Variants in XXYLT1 observed in about 807,000 individuals in gnomAD.
XXYLT1 encodes UDP-xylose:alpha-xyloside alpha-1,3-xylosyltransferase.
Under a neutral mutation model 28.9 loss-of-function variants are expected in XXYLT1, and 20 were observed. The ratio of observed to expected loss-of-function variants is 0.69; its 90% CI spans 0.49 to 1.00. The LOEUF is 1.00. Ranked by LOEUF, XXYLT1 falls within the 50% of genes least tolerant of loss-of-function variation. The pLI is 0.00. For synonymous variants in XXYLT1, 257 were observed against 253.8 expected (o/e 1.01, Z -0.12); for missense variants, 542 against 560.1 (o/e 0.97, Z 0.33).
At position 195,156,486 on chromosome 3, in the gene XXYLT1, T is replaced by C. The variant is rs1270401405; in HGVS notation, c.748A>G (p.Ile250Val). The C allele has an allele frequency of 6.2e-7, 1 of 1,614,106 alleles. No individual in the cohort carries two copies. Among genetic ancestry groups the C allele is most frequent in the Non-Finnish European group, 8.5e-7 (1 of 1,180,048 alleles). Residue 250 changes from isoleucine to valine, a missense_variant, in exon 3 of 4, where the codon ATC becomes GTC. Coordinates refer to ENST00000310380, the MANE Select transcript of XXYLT1 (RefSeq NM_152531.5). Reference protein sequence around the residue: ...EEFDSFLPGAIIGIAREMQPV... With the variant: ...EEFDSFLPGAVIGIAREMQPV... ...TGCATCTCCCGGGCTATGCCGATGA[T>C]GGCGCCTGGCAGGAAACTGTCAAAT...
intron 3 of XXYLT1, among the ~76,000 whole-genome samples, chr3:195,137,622 C>T (rs1024729576): frequency 1.4e-4 from 22 of 152,208 alleles, no homozygotes; most frequent in Admixed American, 1.2e-3. Flanking sequence ...GGTGCTGCTG[C>T]GCACTCTACA....
intron 3 of XXYLT1, among the ~76,000 whole-genome samples, chr3:195,104,213 G>A (rs1278160471): frequency 3.2e-4 from 12 of 37,582 alleles, no homozygotes; most frequent in Admixed American, 1.0e-3. Context: ...GTGTGTGTGT[G>A]TGTGTGTGTG....
Position 195,220,496 on chromosome 3 carries a change from A to G in XXYLT1, c.652+6213T>C, listed in dbSNP as rs187462785. Among the ~76,000 whole-genome samples, 4 of 152,202 alleles carry G rather than the reference A, an allele frequency of 2.6e-5. No individual in the cohort carries two copies. In the East Asian group the frequency reaches 7.7e-4, roughly 29 times the overall value. On this transcript the variant is annotated intron_variant, in intron 2 of 3. Transcript: ENST00000310380. ...TAGGGCCTCTTTTAAATAACCTCCCAAGATCACGAAGCCTTGACCTTGGGA... is the reference window on the plus strand; with the variant it reads ...TAGGGCCTCTTTTAAATAACCTCCCGAGATCACGAAGCCTTGACCTTGGGA...
intron 1 of XXYLT1, among the ~76,000 whole-genome samples, chr3:195,246,008 T>C (rs979562350): frequency 3.3e-5 from 5 of 152,224 alleles, no homozygotes; most frequent in Non-Finnish European, 4.4e-5. Flanking sequence ...CGGATATCTC[T>C]TTATAGCAAC....
At chr3:195,131,127 C>T (rs1189158610) in intron 3 of XXYLT1, among the ~76,000 whole-genome samples, 6 of 152,202 alleles carry the variant, frequency 3.9e-5, no homozygotes, top group Admixed American at 6.5e-5. Flanking sequence ...CTCCATTGGC[C>T]GGTTCCTTCC....
chr3:195,094,117 T>C (rs905629374), intron 3 of XXYLT1: 1 of 152,664 alleles, frequency 6.6e-6, no homozygotes, highest in African/African-American at 2.4e-5. Flanking sequence ...TTCACAGCAC[T>C]GGCCTCTCCT....
At chr3:195,148,790 T>C (rs1251970436) in intron 3 of XXYLT1, among the ~76,000 whole-genome samples, 3 of 152,120 alleles carry the variant, frequency 2.0e-5, no homozygotes, top group Non-Finnish European at 2.9e-5. Flanking sequence ...GAAGACAGAG[T>C]GACACTATGA....
chr3:195,089,535 A>G (rs1041927352), intron 3 of XXYLT1, among the ~76,000 whole-genome samples: 1 of 152,132 alleles, frequency 6.6e-6, no homozygotes, highest in African/African-American at 2.4e-5. Context: ...AGCGCTAAAC[A>G]TGGAAGGGAA....
intron 2 of XXYLT1, among the ~76,000 whole-genome samples, chr3:195,215,891 A>G (rs1230182368): frequency 6.6e-6 from 1 of 152,200 alleles, no homozygotes; most frequent in Non-Finnish European, 1.5e-5. Context: ...ACCACACCAC[A>G]TCTATTCCAA....
At chr3:195,148,831 G>A (rs973461696) in intron 3 of XXYLT1, among the ~76,000 whole-genome samples, 5 of 152,130 alleles carry the variant, frequency 3.3e-5, no homozygotes, top group Admixed American at 6.6e-5. Flanking sequence ...CTCTAAACTC[G>A]GCCACAGCAG....
rs559668763 is a variant in XXYLT1, at chr3:195,115,761, G to A, written c.785+40688C>T. Among the ~76,000 whole-genome samples, 6 of 152,328 alleles carry A rather than the reference G, an allele frequency of 3.9e-5. 1 individual carries two copies. In the South Asian group the frequency reaches 1.2e-3, roughly 32 times the overall value. On this transcript the variant is annotated intron_variant, in intron 3 of 3. Transcript: ENST00000310380. The surrounding 1 kb of genome is among the most constrained non-coding windows in gnomAD (Gnocchi z 4.2). ...AGGTGGAGGAAGGAGGGCGGCAGGT[G>A]CAGGCCAGGACCGGACCTCGGTTAT...
At chr3:195,094,336 T>C (rs1427652576) in intron 3 of XXYLT1, 1 of 154,126 alleles carries the variant, frequency 6.5e-6, no homozygotes, top group African/African-American at 2.4e-5. Context: ...TTCCCTGCTC[T>C]CTTGGGGCCT....
At chr3:195,106,438 C>T (rs912360741) in intron 3 of XXYLT1, among the ~76,000 whole-genome samples, 2 of 152,154 alleles carry the variant, frequency 1.3e-5, no homozygotes, top group Non-Finnish European at 2.9e-5. Context: ...CACACACCCT[C>T]TCTCACTGGA....
Position 195,133,883 on chromosome 3 carries a change from G to C in XXYLT1, c.785+22566C>G, listed in dbSNP as rs1719030459. Among the ~76,000 whole-genome samples the C allele has an allele frequency of 6.6e-6, 1 of 152,130 alleles. No individual in the cohort carries two copies. The highest frequency in any genetic ancestry group is 2.4e-5 in the African/African-American group (1 of 41,416). ...TAAAAAATTAAAAACTTACAAAATG[G>C]AAAAAAGCTTACAGAATAAGGATAA... On this transcript the variant is annotated intron_variant, in intron 3 of 3. Transcript: ENST00000310380. This position sits in a 1 kb window ranked among gnomAD's most constrained non-coding sequence, Gnocchi z 4.4.
intron 3 of XXYLT1, among the ~76,000 whole-genome samples, chr3:195,104,427 G>A (rs1716978352): frequency 6.6e-6 from 1 of 152,138 alleles, no homozygotes; most frequent in African/African-American, 2.4e-5. Flanking sequence ...GCAGTGCCCA[G>A]GTGAGCAGTT....
intron 3 of XXYLT1, among the ~76,000 whole-genome samples, chr3:195,102,097 A>AG (rs112355752): frequency 1.4e-5 from 2 of 138,370 alleles, no homozygotes; most frequent in African/African-American, 5.3e-5. Flanking sequence ...AGGGGAGGGG[A>AG]GGGGGAAAAA....
At chr3:195,157,415 A>G (rs1720659859) in intron 2 of XXYLT1, among the ~76,000 whole-genome samples, 1 of 152,194 alleles carries the variant, frequency 6.6e-6, no homozygotes, top group African/African-American at 2.4e-5. Context: ...GACCAGAGCG[A>G]AACGGCTGAA....
At chr3:195,146,478 A>C (rs6799346) in intron 3 of XXYLT1, among the ~76,000 whole-genome samples, 15,518 of 152,236 alleles carry the variant, frequency 0.1, 938 homozygotes, top group East Asian at 0.27. Flanking sequence ...GTCCCACTGC[A>C]AGCTCCTGGA....
chr3:195,120,292 C>T (rs1277810404), intron 3 of XXYLT1, among the ~76,000 whole-genome samples: 5 of 143,880 alleles, frequency 3.5e-5, no homozygotes, highest in South Asian at 4.8e-4. Context: ...ATGCCCCCCC[C>T]GCCCCAGCCC....
Sources: allele counts gnomAD v4.1 joint callset (sites outside exome capture counted in the v4.1 genomes callset), GRCh38; gene constraint gnomAD v4.1.1; non-coding constraint Gnocchi (gnomAD v3.1); transcripts MANE v1.5; gene names NCBI Gene and HGNC (gene_info 2026-07-23, HGNC 2026-07-21).